Variants in INVS observed in about 807,000 individuals in gnomAD.
INVS encodes inversion of embryo turning homolog.
In INVS, 86 loss-of-function variants were observed where a neutral mutation model predicts 108.8. The observed-to-expected ratio is 0.79, with a 90% CI of 0.66 to 0.95. The LOEUF (loss-of-function observed/expected upper bound fraction) is 0.95. Among genes scored for constraint, INVS ranks in the 40% least tolerant of loss-of-function variants. The pLI is 0.00. For missense variants in INVS, 1,169 were observed against 1,297.4 expected (o/e 0.90, Z 1.52); for synonymous variants, 455 against 473.5 (o/e 0.96, Z 0.51).
chr9:100,162,599 A>G (rs1311935860), intron 3 of INVS, among the ~76,000 whole-genome samples: 1 of 152,206 alleles, frequency 6.6e-6, no homozygotes, highest in Non-Finnish European at 1.5e-5. Flanking sequence ...CCTGTGGCAG[A>G]TGCTCTTTCC....
intron 13 of INVS, among the ~76,000 whole-genome samples, chr9:100,287,117 AG>A (rs1234862523): frequency 4.6e-5 from 7 of 152,226 alleles, no homozygotes; most frequent in Non-Finnish European, 8.8e-5. Flanking sequence ...GTGGAGAGTC[AG>A]TGGAATTCCA....
At chr9:100,194,721 C>A (rs1400315543) in intron 3 of INVS, among the ~76,000 whole-genome samples, 4 of 152,118 alleles carry the variant, frequency 2.6e-5, no homozygotes, top group Admixed American at 2.6e-4. Flanking sequence ...AAAAGATGTC[C>A]TTGAGCTAAA....
chr9:100,198,348 A>C (rs915446474), intron 3 of INVS, among the ~76,000 whole-genome samples: 13 of 117,560 alleles, frequency 1.1e-4, no homozygotes, highest in Non-Finnish European at 1.9e-4. Flanking sequence ...TGCAGGCTGG[A>C]GTGCAACGGT....
At chr9:100,244,880 TA>T (rs1831996161) in intron 7 of INVS, among the ~76,000 whole-genome samples, 1 of 152,188 alleles carries the variant, frequency 6.6e-6, no homozygotes. Flanking sequence ...CAAATAGTCT[TA>T]AAAGTAGAAA....
chr9:100,190,376 T>C (rs537044959), intron 3 of INVS, among the ~76,000 whole-genome samples: 1 of 152,284 alleles, frequency 6.6e-6, no homozygotes, highest in African/African-American at 2.4e-5. Context: ...AACGTTAATA[T>C]TGAGATGTGA....
At chr9:100,111,766 CT>C (rs1234642905) in intron 2 of INVS, among the ~76,000 whole-genome samples, 1 of 150,640 alleles carries the variant, frequency 6.6e-6, no homozygotes, top group African/African-American at 2.4e-5. Flanking sequence ...CAAGTATTAG[CT>C]GAATGTTATA....
intron 3 of INVS, among the ~76,000 whole-genome samples, chr9:100,210,205 C>G (rs1263702387): frequency 1.3e-5 from 2 of 152,070 alleles, no homozygotes; most frequent in Non-Finnish European, 2.9e-5. Context: ...TATGGTTTCA[C>G]TTTCTATTAC....
intron 2 of INVS, chr9:100,117,433 G>A: frequency 1.3e-6 from 1 of 791,990 alleles, no homozygotes; most frequent in Non-Finnish European, 2.2e-6. Context: ...TGACCAAGCG[G>A]CCCAGCTTGG....
At chr9:100,161,678 T>G (rs868742457) in intron 3 of INVS, among the ~76,000 whole-genome samples, 20 of 152,208 alleles carry the variant, frequency 1.3e-4, no homozygotes, top group African/African-American at 3.4e-4. Context: ...TTCTAGACCT[T>G]GGGGCAGAAG....
intron 10 of INVS, among the ~76,000 whole-genome samples, chr9:100,254,438 A>G (rs966077720): frequency 2.6e-5 from 4 of 152,096 alleles, no homozygotes; most frequent in African/African-American, 7.2e-5. Context: ...CCATTTGTCA[A>G]TTTTGGCTTT....
chr9:100,168,359 G>A (rs777540257), intron 3 of INVS, among the ~76,000 whole-genome samples: 2 of 152,144 alleles, frequency 1.3e-5, no homozygotes, highest in African/African-American at 2.4e-5. Flanking sequence ...TGCTGGCAAC[G>A]ATCAGCCTGT....
intron 16 of INVS, 127 bp from the exon 17 acceptor site, chr9:100,300,441 C>T: frequency 7.1e-6 from 5 of 706,558 alleles, no homozygotes; most frequent in South Asian, 3.0e-5. Context: ...CCTGCCTCTA[C>T]AGTAAACTGG....
chr9:100,276,333 T>C (rs1157505844), intron 12 of INVS, among the ~76,000 whole-genome samples: 2 of 152,220 alleles, frequency 1.3e-5, no homozygotes, highest in African/African-American at 4.8e-5. Context: ...CTGTTTTCAC[T>C]ATAACTTCAG....
intron 2 of INVS, 21 bp from the exon 3 acceptor site, chr9:100,126,362 A>G (rs760082500): frequency 3.0e-5 from 48 of 1,581,762 alleles, no homozygotes; most frequent in Middle Eastern, 1.7e-4. Context: ...AAATATCACT[A>G]TCTGTTTCTT....
In INVS at chr9:100,281,030, A is replaced by G. The variant is rs564205419; in HGVS notation, c.1785-3290A>G. On this transcript the variant is annotated intron_variant, in intron 12 of 16. Coordinates refer to ENST00000262457, the MANE Select transcript of INVS (RefSeq NM_014425.5). ...ACAGAGTGAGACCCTGTTTCTAAAA[A>G]TAAAAATAAAAAAGAAAGCTCATTT... is the stretch of plus-strand genomic sequence containing the variant. Among the ~76,000 whole-genome samples, 70 of 152,348 alleles carry G rather than the reference A, an allele frequency of 4.6e-4. 1 individual carries two copies. The South Asian group carries it at 0.014, about 31-fold the overall frequency.
chr9:100,289,236 T>C (rs907860042), intron 13 of INVS, among the ~76,000 whole-genome samples: 6 of 152,240 alleles, frequency 3.9e-5, no homozygotes, highest in African/African-American at 1.4e-4. Context: ...TTTTGCCAGT[T>C]AATTCTGCCA....
intron 2 of INVS, among the ~76,000 whole-genome samples, chr9:100,122,110 G>A (rs1390813014): frequency 1.3e-5 from 2 of 152,102 alleles, no homozygotes; most frequent in Non-Finnish European, 2.9e-5. Context: ...TTTTGGTCAA[G>A]GTCCCATGGG....
At chr9:100,268,173 C>T (rs1484097331) in intron 11 of INVS, among the ~76,000 whole-genome samples, 1 of 151,714 alleles carries the variant, frequency 6.6e-6, no homozygotes, top group Non-Finnish European at 1.5e-5. Flanking sequence ...AGGGCGTTCC[C>T]GAAAGTAAGA....
At chr9:100,137,304 A>T (rs1392732825) in intron 3 of INVS, among the ~76,000 whole-genome samples, 2 of 152,114 alleles carry the variant, frequency 1.3e-5, no homozygotes, top group African/African-American at 4.8e-5. Context: ...AATATAGGGG[A>T]CCACTGCTGC....
Sources: gnomAD v4.1 joint callset for allele counts (sites outside exome capture counted in the v4.1 genomes callset) on GRCh38, gnomAD v4.1.1 for gene constraint, MANE v1.5 for transcripts, NCBI Gene and HGNC (gene_info 2026-07-23, HGNC 2026-07-21) for gene names.